The following INSL6 variants were observed in gnomAD, a reference collection of about 807,000 sequenced individuals.
INSL6 encodes insulin-like peptide INSL6.
In INSL6, 16 loss-of-function variants were observed where a neutral mutation model predicts 9.4. The ratio of observed to expected loss-of-function variants is 1.70; its 90% CI spans 1.15 to 2.59. The LOEUF (loss-of-function observed/expected upper bound fraction) is 2.59, where lower values mean the gene tolerates loss of function less well. INSL6 is among the 30% of genes most tolerant of loss of function. INSL6 has a pLI of 0.00. For synonymous variants in INSL6, 154 were observed against 96.9 expected (o/e 1.59, Z -3.46); for missense variants, 391 against 257.3 (o/e 1.52, Z -3.56).
At chr9:5,033,345 A>G in the INSL6 span, among the ~76,000 whole-genome samples, 1 of 152,214 alleles carries the variant, frequency 6.6e-6, no homozygotes, top group African/African-American at 2.4e-5. Context: ...AACTTCCCTA[A>G]TCTAGCGAGG....
chr9:5,061,760 C>T, the INSL6 span, among the ~76,000 whole-genome samples: 8 of 152,164 alleles, frequency 5.3e-5, no homozygotes, highest in Admixed American at 5.2e-4. Flanking sequence ...CATAACTTGC[C>T]TTTTTAGTGC....
At position 5,185,564 on chromosome 9, in the gene INSL6, T is replaced by A; in HGVS notation, c.39A>T (p.Gly13=). The change falls in exon 1 of 2, where the codon GGA becomes GGT. Residue 13 remains glycine, a synonymous_variant. Transcript: ENST00000381641. ...RLLRLSLLWL[G]LLLVRFSREL... ...CACGAGAAAACCGAACCAGCAGGAGTCCAAGCCACAGCAGGGACAAGCGGA... is the reference window on the plus strand; with the variant it reads ...CACGAGAAAACCGAACCAGCAGGAGACCAAGCCACAGCAGGGACAAGCGGA... 1.2e-6 allele frequency: 2 copies of A among 1,613,474 alleles called. No homozygotes were observed. Among genetic ancestry groups the A allele is most frequent in the Non-Finnish European group, 8.5e-7 (1 of 1,179,886 alleles).
At chr9:5,026,715 G>A in the INSL6 span, among the ~76,000 whole-genome samples, 5 of 152,190 alleles carry the variant, frequency 3.3e-5, no homozygotes, top group African/African-American at 1.2e-4. Context: ...GTGCTTGTGT[G>A]TGTACGTGTA....
the INSL6 span, chr9:5,070,129 G>A: frequency 9.8e-7 from 1 of 1,024,440 alleles, no homozygotes; most frequent in Admixed American, 2.6e-5. Flanking sequence ...ACATTCATGT[G>A]ACATTGGAAT....
the INSL6 span, among the ~76,000 whole-genome samples, chr9:5,049,982 A>AT: frequency 9.8e-5 from 15 of 152,332 alleles, no homozygotes; most frequent in South Asian, 2.9e-3. Flanking sequence ...ATCGTTATAT[A>AT]TGTGGTCTGC....
chr9:5,152,434 T>A (rs1824729579), intron 2 of INSL6, among the ~76,000 whole-genome samples: 1 of 152,052 alleles, frequency 6.6e-6, no homozygotes, highest in Admixed American at 6.6e-5. Flanking sequence ...TTAGCAATTT[T>A]AAAACAAACC....
the INSL6 span, among the ~76,000 whole-genome samples, chr9:5,096,412 A>C: frequency 6.6e-6 from 1 of 152,210 alleles, no homozygotes; most frequent in South Asian, 2.1e-4. Flanking sequence ...AGTCCTTGCT[A>C]GATCGGTGGA....
intron 1 of INSL6, among the ~76,000 whole-genome samples, chr9:5,183,617 T>A (rs1479588302): frequency 3.3e-5 from 5 of 152,144 alleles, no homozygotes; most frequent in Non-Finnish European, 7.3e-5. Flanking sequence ...AGCCTCAAGC[T>A]TGGAGGTCTA....
At chr9:5,053,999 G>C in the INSL6 span, among the ~76,000 whole-genome samples, 1 of 152,028 alleles carries the variant, frequency 6.6e-6, no homozygotes, top group African/African-American at 2.4e-5. Flanking sequence ...ACATAGAGAT[G>C]AATGTACAGA....
the INSL6 span, among the ~76,000 whole-genome samples, chr9:5,021,101 CACTT>C: frequency 6.6e-6 from 1 of 152,140 alleles, no homozygotes; most frequent in African/African-American, 2.4e-5. Flanking sequence ...GGGAGTCTCT[CACTT>C]ACTCTTTCCC....
intron 2 of INSL6, among the ~76,000 whole-genome samples, chr9:5,136,052 C>T (rs1241568639): frequency 6.6e-6 from 1 of 152,148 alleles, no homozygotes; most frequent in Non-Finnish European, 1.5e-5. Flanking sequence ...TGGACACATA[C>T]ACCCTCCCAA....
At chr9:5,077,779 T>G in the INSL6 span, among the ~76,000 whole-genome samples, 1 of 152,254 alleles carries the variant, frequency 6.6e-6, no homozygotes, top group Admixed American at 6.5e-5. Flanking sequence ...AAAAGTTTTG[T>G]CATCCCATCA....
the INSL6 span, among the ~76,000 whole-genome samples, chr9:5,086,607 C>G: frequency 6.6e-6 from 1 of 152,070 alleles, no homozygotes; most frequent in Non-Finnish European, 1.5e-5. Flanking sequence ...AAAAAAATTC[C>G]TTGGCTTCTC....
the INSL6 span, chr9:5,095,046 T>G: frequency 6.8e-6 from 1 of 146,670 alleles, no homozygotes; most frequent in Non-Finnish European, 1.5e-5. Context: ...AAGAATTACT[T>G]TGATAGAGTA....
At chr9:5,067,769 A>C in the INSL6 span, among the ~76,000 whole-genome samples, 2 of 152,190 alleles carry the variant, frequency 1.3e-5, no homozygotes, top group South Asian at 4.1e-4. Context: ...TGGACAAACA[A>C]AAATTTTCAA....
At chr9:5,102,416 T>C in the INSL6 span, among the ~76,000 whole-genome samples, 1 of 152,204 alleles carries the variant, frequency 6.6e-6, no homozygotes, top group Admixed American at 6.5e-5. Context: ...CTACATTTGA[T>C]TGTTGTACCT....
At chr9:5,085,141 A>T in the INSL6 span, 3 of 647,904 alleles carry the variant, frequency 4.6e-6, no homozygotes. Context: ...ACTCTGTAAT[A>T]CATACTGTGG....
the INSL6 span, among the ~76,000 whole-genome samples, chr9:4,996,702 C>T: frequency 6.6e-6 from 1 of 151,872 alleles, no homozygotes; most frequent in Non-Finnish European, 1.5e-5. Flanking sequence ...GCCTTCACCC[C>T]TACCCCTCCC....
chr9:4,998,482 C>T, the INSL6 span, among the ~76,000 whole-genome samples: 1 of 152,120 alleles, frequency 6.6e-6, no homozygotes, highest in Non-Finnish European at 1.5e-5. Context: ...GTCTCGAACT[C>T]CTGACCTCGT....
Sources: gnomAD v4.1 joint callset for allele counts (sites outside exome capture counted in the v4.1 genomes callset) on GRCh38, gnomAD v4.1.1 for gene constraint, MANE v1.5 for transcripts, NCBI Gene and HGNC (gene_info 2026-07-23, HGNC 2026-07-21) for gene names.